RCBTB1: variants seen among roughly 807,000 people sequenced by gnomAD.
The protein encoded by RCBTB1 is RCC1 and BTB domain-containing protein 1.
A neutral mutation model predicts 62.4 loss-of-function variants in RCBTB1; 46 were observed. The ratio of observed to expected loss-of-function variants is 0.74; its 90% confidence interval spans 0.58 to 0.94. The LOEUF is 0.94. Ranked by LOEUF, RCBTB1 falls within the 40% of genes least tolerant of loss-of-function variation. RCBTB1 has a pLI of 0.00. For missense variants in RCBTB1, 565 were observed against 654.9 expected (o/e 0.86, Z 1.50); for synonymous variants, 222 against 245.8 (o/e 0.90, Z 0.91).
chr13:49,549,855 C>T, intron 8 of RCBTB1: 2 of 985,398 alleles, frequency 2.0e-6, no homozygotes, highest in Non-Finnish European at 2.4e-6. Context: ...TTCTCATCCT[C>T]AGCTCACTGT....
At chr13:49,552,042 T>C in intron 7 of RCBTB1, 136 bp downstream of exon 7, 3 of 677,164 alleles carry the variant, frequency 4.4e-6, no homozygotes, top group Admixed American at 4.4e-5. Flanking sequence ...AGGGAAGATA[T>C]AATATTAAAT....
chr13:49,537,532 T>C (rs1298051853), intron 12 of RCBTB1, among the ~76,000 whole-genome samples: 1 of 152,192 alleles, frequency 6.6e-6, no homozygotes, highest in Non-Finnish European at 1.5e-5. Context: ...CGTTTATCGC[T>C]TCCCTCCAAA....
chr13:49,552,822 G>A (rs750173737), intron 6 of RCBTB1, among the ~76,000 whole-genome samples: 11 of 142,842 alleles, frequency 7.7e-5, no homozygotes, highest in Admixed American at 1.3e-4. Context: ...TATTGACTGT[G>A]TTAGAAGCTA....
intron 2 of RCBTB1, among the ~76,000 whole-genome samples, chr13:49,579,957 G>C (rs1004663624): frequency 4.6e-5 from 7 of 152,120 alleles, no homozygotes; most frequent in Admixed American, 6.6e-5. Context: ...GCCTCTGTAA[G>C]CATTTCTTTA....
At chr13:49,571,333 C>A (rs140643932) in intron 2 of RCBTB1, among the ~76,000 whole-genome samples, 319 of 151,900 alleles carry the variant, frequency 2.1e-3, no homozygotes, top group Admixed American at 3.3e-3. Flanking sequence ...GGAAGAAGAG[C>A]GAAACCCCAT....
At chr13:49,538,369 A>G (rs1960084921) in intron 12 of RCBTB1, among the ~76,000 whole-genome samples, 1 of 152,200 alleles carries the variant, frequency 6.6e-6, no homozygotes, top group African/African-American at 2.4e-5. Context: ...ATAAAATGTA[A>G]AAGCACATTA....
intron 6 of RCBTB1, among the ~76,000 whole-genome samples, chr13:49,554,297 T>C (rs1961656200): frequency 6.6e-6 from 1 of 152,226 alleles, no homozygotes; most frequent in Non-Finnish European, 1.5e-5. Context: ...CTGTTTCACT[T>C]GTCTTCCTTT....
intron 2 of RCBTB1, among the ~76,000 whole-genome samples, chr13:49,578,955 A>G (rs1006125165): frequency 6.6e-6 from 1 of 152,230 alleles, no homozygotes; most frequent in African/African-American, 2.4e-5. Context: ...ACTTTGGTAT[A>G]CAACATTACA....
At chr13:49,535,356 A>C (rs1959856802) in intron 12 of RCBTB1, among the ~76,000 whole-genome samples, 1 of 152,206 alleles carries the variant, frequency 6.6e-6, no homozygotes, top group South Asian at 2.1e-4. Context: ...ATATTTATTA[A>C]ATCGATTAGG....
Position 49,551,411 on chromosome 13 carries a change from A to G in RCBTB1, c.769T>C (p.Trp257Arg). The G allele has an allele frequency of 6.2e-7, 1 of 1,614,220 alleles. No individual in the cohort carries two copies. Among genetic ancestry groups the G allele is most frequent in the Non-Finnish European group, 8.5e-7 (1 of 1,180,040 alleles). The stretch of plus-strand genomic sequence containing the variant: ...AGCTGCCCATATGTGTTAGCTCCCC[A>G]GGCATACAGCAAGCCCTCATCTGTT... The part of the protein sequence containing the change: ...ALTDEGLLYA[W>R]GANTYGQLGT... Residue 257 changes from tryptophan to arginine, a missense_variant, in exon 8 of 13, where the codon TGG becomes CGG. By Grantham distance (101) the Trp-to-Arg change is moderately radical. Coordinates refer to ENST00000378302, the MANE Select transcript of RCBTB1 (RefSeq NM_018191.4).
rs145183342 is a variant in RCBTB1 at position 49,567,895 on chromosome 13, G to A, written c.-41-575C>T. Among the ~76,000 whole-genome samples the A allele has an allele frequency of 1.4e-4, 22 of 152,346 alleles. No homozygotes were observed. The East Asian group carries it at 3.9e-3, about 27-fold the overall frequency. ...ATAACATTTGGATGTCTTGACAAATGTGTGTGCAGGTGGAGGGGGAGGTAT... is the reference window on the plus strand; with the variant it reads ...ATAACATTTGGATGTCTTGACAAATATGTGTGCAGGTGGAGGGGGAGGTAT... On this transcript the variant is annotated intron_variant, in intron 2 of 12. Transcript: ENST00000378302.
intron 2 of RCBTB1, 111 bp from the exon 3 acceptor site, chr13:49,567,431 C>G: frequency 1.3e-6 from 1 of 764,746 alleles, no homozygotes; most frequent in Admixed American, 2.9e-5. Flanking sequence ...AATAAATGAA[C>G]TACCTTTGGT....
At chr13:49,573,769 A>G (rs368828141) in intron 2 of RCBTB1, among the ~76,000 whole-genome samples, 134 of 141,954 alleles carry the variant, frequency 9.4e-4, no homozygotes, top group African/African-American at 3.1e-3. Context: ...TTTTTAAAAT[A>G]TAGTCCCAAA....
rs1959707923 is a variant in RCBTB1, at chr13:49,533,548, CTTTGA to C, written c.*569_*573del. 1 of 152,188 alleles carries C rather than the reference CTTTGA, an allele frequency of 6.6e-6. No individual in the cohort carries two copies. Among genetic ancestry groups the C allele is most frequent in the African/African-American group, 2.4e-5 (1 of 41,448 alleles). 9.4% of individuals were successfully genotyped at this position (152,188 alleles called of 1,614,324 possible). A position where few individuals can be genotyped will look rare whatever the true frequency, so the allele number is the denominator to read the frequency against. ...GGTTTAATATACGTTAAACTTATTA[CTTTGA>C]TTTATCTTGAAGTTAAAAAAGTCAT... On this transcript the variant is annotated 3_prime_UTR_variant, in exon 13 of 13. Coordinates refer to ENST00000378302, the MANE Select transcript of RCBTB1 (RefSeq NM_018191.4).
At position 49,581,587 on chromosome 13, in the gene RCBTB1, C is replaced by A. The variant is rs973285723; in HGVS notation, c.-121-1003G>T. 2.6e-5 allele frequency among the ~76,000 whole-genome samples: 4 copies of A among 152,142 alleles called. No homozygotes were observed. In the East Asian group the frequency reaches 7.7e-4, roughly 29 times the overall value. On this transcript the variant is annotated intron_variant, in intron 1 of 12. Coordinates refer to ENST00000378302, the MANE Select transcript of RCBTB1 (RefSeq NM_018191.4). ...GATTTGGAAATCTGGCATGAAATCA[C>A]CCAGGAAAAAAGCAAGTGAAATAAG...
chr13:49,566,844 A>G (rs1048014481), intron 3 of RCBTB1, 76 bp from the exon 4 acceptor site: 2 of 1,382,128 alleles, frequency 1.4e-6, no homozygotes, highest in African/African-American at 1.5e-5. Context: ...TCCTCTGAAA[A>G]TAAGACATTT....
At chr13:49,548,129 C>T (rs1960978093) in intron 9 of RCBTB1, among the ~76,000 whole-genome samples, 4 of 152,026 alleles carry the variant, frequency 2.6e-5, no homozygotes, top group Admixed American at 1.3e-4. Flanking sequence ...CAGTGGCTCA[C>T]GCCTGTAATC....
At chr13:49,563,625 C>T (rs2137294796) in intron 4 of RCBTB1, among the ~76,000 whole-genome samples, 1 of 152,130 alleles carries the variant, frequency 6.6e-6, no homozygotes, top group East Asian at 1.9e-4. Context: ...TGCCACTGCA[C>T]TCCAGCCTAG....
intron 4 of RCBTB1, among the ~76,000 whole-genome samples, chr13:49,564,551 C>A (rs1452597501): frequency 1.2e-4 from 15 of 130,098 alleles, no homozygotes; most frequent in Admixed American, 1.7e-4. Context: ...TGCCACTGCA[C>A]TCCAGCCTGG....
Sources: allele counts gnomAD v4.1 joint callset (sites outside exome capture counted in the v4.1 genomes callset), GRCh38; gene constraint gnomAD v4.1.1; transcripts MANE v1.5; gene names NCBI Gene and HGNC (gene_info 2026-07-23, HGNC 2026-07-21).